Variants in NMT1 observed in about 807,000 individuals in gnomAD.
NMT1 encodes the protein glycylpeptide N-tetradecanoyltransferase 1.
NMT1 carries 12 observed loss-of-function variants against 63.4 expected under a neutral mutation model. The ratio of observed to expected loss-of-function variants is 0.19; its 90% CI spans 0.12 to 0.31. The LOEUF (loss-of-function observed/expected upper bound fraction) is 0.31. Ranked by LOEUF, NMT1 falls within the 10% of genes least tolerant of loss-of-function variation. The probability of loss-of-function intolerance (pLI) is 1.00; values close to 1 mark genes in which losing one functional copy is unlikely to be tolerated. For synonymous variants in NMT1, 228 were observed against 234.3 expected (o/e 0.97, Z 0.25); for missense variants, 432 against 634.6 (o/e 0.68, Z 3.43).
At chr17:45,062,727 G>T (rs2053873676) in intron 1 of NMT1, among the ~76,000 whole-genome samples, 1 of 152,156 alleles carries the variant, frequency 6.6e-6, no homozygotes, top group Non-Finnish European at 1.5e-5. Context: ...TAGGCATTTA[G>T]TAGGCTATAC....
chr17:45,077,738 G>A (rs971295545), intron 1 of NMT1, among the ~76,000 whole-genome samples: 1 of 152,182 alleles, frequency 6.6e-6, no homozygotes, highest in Non-Finnish European at 1.5e-5. Flanking sequence ...TCCTGAGACT[G>A]AAGTGAAAAT....
At chr17:45,079,393 C>T (rs191667918) in intron 1 of NMT1, among the ~76,000 whole-genome samples, 30 of 152,270 alleles carry the variant, frequency 2.0e-4, no homozygotes, top group Middle Eastern at 3.4e-3. Context: ...TAAGCCACCG[C>T]GCCCAGCCAA....
chr17:45,073,049 A>G (rs2053953673), intron 1 of NMT1, among the ~76,000 whole-genome samples: 1 of 152,076 alleles, frequency 6.6e-6, no homozygotes, highest in African/African-American at 2.4e-5. Context: ...ATGCCTGTAA[A>G]GCATCAGTCA....
intron 1 of NMT1, among the ~76,000 whole-genome samples, chr17:45,075,385 G>A (rs2053970787): frequency 6.6e-6 from 1 of 151,706 alleles, no homozygotes; most frequent in South Asian, 2.1e-4. Flanking sequence ...TCAGGAGGCC[G>A]AGGTGTGAGG....
intron 1 of NMT1, among the ~76,000 whole-genome samples, chr17:45,074,033 GT>G (rs1327234307): frequency 3.4e-4 from 51 of 152,138 alleles, no homozygotes; most frequent in African/African-American, 1.2e-3. Context: ...TTCTCCTGCT[GT>G]TCATCTGCCA....
chr17:45,062,483 T>C (rs750266670), intron 1 of NMT1, among the ~76,000 whole-genome samples: 9 of 152,220 alleles, frequency 5.9e-5, no homozygotes, highest in Non-Finnish European at 1.3e-4. Flanking sequence ...ATTCGCAGTA[T>C]TGGTGGCAGT....
intron 1 of NMT1, among the ~76,000 whole-genome samples, chr17:45,080,148 G>A (rs2054005941): frequency 6.7e-6 from 1 of 150,104 alleles, no homozygotes; most frequent in Non-Finnish European, 1.5e-5. Flanking sequence ...TCTGGTTTAG[G>A]CATTTCTTTT....
intron 1 of NMT1, among the ~76,000 whole-genome samples, chr17:45,066,551 C>T (rs1263568927): frequency 6.6e-6 from 1 of 151,504 alleles, no homozygotes; most frequent in East Asian, 2.0e-4. Context: ...CTCAGGAGTT[C>T]GAGACCAGCC....
intron 5 of NMT1, 61 bp from the exon 6 acceptor site, chr17:45,097,067 C>G: frequency 7.1e-7 from 1 of 1,415,352 alleles, no homozygotes; most frequent in South Asian, 1.1e-5. Context: ...GGCTGTGGAG[C>G]CCAAGCGGCT....
Position 45,103,622 on chromosome 17 carries a change from G to C in NMT1, c.1165-87G>C. On this transcript the variant is annotated intron_variant, in intron 9 of 11. Coordinates refer to ENST00000258960, the MANE Select transcript of NMT1 (RefSeq NM_021079.5). This position sits in a 1 kb window ranked among gnomAD's most constrained non-coding sequence, Gnocchi z 4.8. The stretch of plus-strand genomic sequence containing the variant: ...TTTATCTAGAGGGGCAGAGCTGCCT[G>C]AAGGTGGAGTGAGAGAAACATTTTG... The C allele has an allele frequency of 7.4e-7, 1 of 1,352,694 alleles. No individual in the cohort carries two copies. Among genetic ancestry groups the C allele is most frequent in the Admixed American group, 2.0e-5 (1 of 49,984 alleles). The allele number at this position is 1,352,694 out of a possible 1,614,324, so 83.8% of individuals were successfully genotyped here.
rs1418567762 is a variant in NMT1, at chr17:45,103,679, G to A, written c.1165-30G>A. 1.1e-5 allele frequency: 17 copies of A among 1,596,368 alleles called. No individual in the cohort carries two copies. The highest frequency in any genetic ancestry group is 1.5e-5 in the Non-Finnish European group (17 of 1,170,660). ...GGCCGCAGTGCCACTGTGCATGCTT[G>A]ACATTGCCTCTTTATTGCCTTCCCT... On this transcript the variant is annotated intron_variant, in intron 9 of 11. Coordinates refer to ENST00000258960, the MANE Select transcript of NMT1 (RefSeq NM_021079.5). The surrounding 1 kb of genome is among the most constrained non-coding windows in gnomAD (Gnocchi z 4.8).
At chr17:45,091,695 T>A (rs1156344079) in intron 3 of NMT1, among the ~76,000 whole-genome samples, 1 of 152,150 alleles carries the variant, frequency 6.6e-6, no homozygotes, top group Non-Finnish European at 1.5e-5. Context: ...GGAAGCGGAT[T>A]GACTTAAATT....
chr17:45,083,294 G>A (rs1751650462), intron 2 of NMT1, among the ~76,000 whole-genome samples: 1 of 151,608 alleles, frequency 6.6e-6, no homozygotes, highest in South Asian at 2.1e-4. Flanking sequence ...ACTTCAGCCT[G>A]GGCGAAAGGG....
chr17:45,062,076 C>A (rs2053866810), intron 1 of NMT1, among the ~76,000 whole-genome samples: 1 of 152,140 alleles, frequency 6.6e-6, no homozygotes, highest in Non-Finnish European at 1.5e-5. Flanking sequence ...ATAATTAAGT[C>A]TTCGAACATC....
At chr17:45,101,201 C>A (rs1040565636) in intron 8 of NMT1, among the ~76,000 whole-genome samples, 26 of 151,016 alleles carry the variant, frequency 1.7e-4, no homozygotes, top group East Asian at 6.1e-4. Context: ...ACAACAACAA[C>A]AAAAAAAGGA....
chr17:45,103,939 G>A lies in NMT1; in HGVS notation c.1332+63G>A. On this transcript the variant is annotated intron_variant, in intron 10 of 11. Transcript: ENST00000258960. The surrounding 1 kb of genome is among the most constrained non-coding windows in gnomAD (Gnocchi z 4.8). ...GGAAGAGGCAGTGGAGCCATGGTGA[G>A]CACAGCTCCCGGGACGCAGCCTCCC... 3.1e-6 allele frequency: 5 copies of A among 1,605,636 alleles called. No homozygotes were observed. Among genetic ancestry groups the A allele is most frequent in the Non-Finnish European group, 3.4e-6 (4 of 1,179,864 alleles).
chr17:45,097,794 G>A (rs1468120), intron 6 of NMT1, among the ~76,000 whole-genome samples: 60,280 of 151,970 alleles, frequency 0.4, 12,623 homozygotes, highest in Non-Finnish European at 0.44. Context: ...ACAGGCATGC[G>A]CCACCACACC....
intron 3 of NMT1, among the ~76,000 whole-genome samples, chr17:45,089,221 G>A (rs2054073079): frequency 6.6e-6 from 1 of 152,138 alleles, no homozygotes; most frequent in African/African-American, 2.4e-5. Context: ...CACTTAATTG[G>A]AGGACTAATG....
At chr17:45,064,557 G>A (rs993989981) in intron 1 of NMT1, among the ~76,000 whole-genome samples, 6 of 152,104 alleles carry the variant, frequency 3.9e-5, no homozygotes, top group Admixed American at 1.3e-4. Flanking sequence ...GCGCGGTGGC[G>A]CACATCTGTA....
Sources: gnomAD v4.1 joint callset for allele counts (sites outside exome capture counted in the v4.1 genomes callset) on GRCh38, gnomAD v4.1.1 for gene constraint, Gnocchi (gnomAD v3.1) non-coding constraint, MANE v1.5 for transcripts, NCBI Gene and HGNC (gene_info 2026-07-23, HGNC 2026-07-21) for gene names.